ECPAS: variants seen among roughly 807,000 people sequenced by gnomAD.
The protein encoded by ECPAS is proteasome adapter and scaffold protein ECM29.
Under a neutral mutation model 255.1 loss-of-function variants are expected in ECPAS, and 70 were observed. The observed-to-expected ratio is 0.27, with a 90% CI of 0.23 to 0.33. The LOEUF is 0.33. ECPAS is among the 10% of genes least tolerant of loss of function. ECPAS has a pLI of 1.00. For synonymous variants in ECPAS, 784 were observed against 775.0 expected, an observed-to-expected ratio of 1.01 and a Z score of -0.19; for missense variants, 1,817 against 2,206.4, an observed-to-expected ratio of 0.82 and a Z score of 3.54.
chr9:111,465,582 A>C (rs2098278579), intron 2 of ECPAS, among the ~76,000 whole-genome samples: 1 of 146,106 alleles, frequency 6.8e-6, no homozygotes, highest in Non-Finnish European at 1.5e-5. Flanking sequence ...GGTTGAAATA[A>C]TTCGTTATTT....
chr9:111,382,588 G>A (rs760223524), intron 35 of ECPAS, among the ~76,000 whole-genome samples: 10 of 151,704 alleles, frequency 6.6e-5, no homozygotes, highest in Admixed American at 2.0e-4. Flanking sequence ...TCTTAATTGC[G>A]TCATGCCTTT....
At chr9:111,440,549 C>A in intron 5 of ECPAS, 28 bp from the exon 6 acceptor site, 1 of 1,512,098 alleles carries the variant, frequency 6.6e-7, no homozygotes, top group Non-Finnish European at 9.0e-7. Context: ...TTTATTGCAA[C>A]TACTTAAAAA....
intron 4 of ECPAS, among the ~76,000 whole-genome samples, chr9:111,442,740 A>G (rs950258541): frequency 2.0e-5 from 3 of 152,216 alleles, no homozygotes; most frequent in African/African-American, 4.8e-5. Flanking sequence ...TACACACTAC[A>G]TATTAGCACC....
In ECPAS at chr9:111,420,047, C is replaced by T; in HGVS notation, c.1529G>A (p.Arg510Lys). The change falls in exon 16 of 50, where the codon AGA (arginine) becomes AAA (lysine). Residue 510 changes from arginine to lysine, a missense_variant. By Grantham distance (26) the Arg-to-Lys change is conservative (BLOSUM62 2). Transcript: ENST00000684092. ...TVFPSDHIPS[R>K]YLLLLAAGDP... ...TCCTGCAGCCAGTAGCAGCAAATAT[C>T]TGGAAGGGATATGATCTGAGGGAAA... 6.2e-7 allele frequency: 1 copy of T among 1,612,528 alleles called. No homozygotes were observed. The highest frequency in any genetic ancestry group is 8.5e-7 in the Non-Finnish European group (1 of 1,179,056).
At chr9:111,415,147 T>C (rs568202999) in intron 18 of ECPAS, among the ~76,000 whole-genome samples, 5 of 152,134 alleles carry the variant, frequency 3.3e-5, no homozygotes, top group Non-Finnish European at 5.9e-5. Flanking sequence ...CATATTTACC[T>C]ATATAACAAA....
rs1055486622 is a variant in ECPAS at position 111,422,061 on chromosome 9, A to G, written c.1333-18T>C. 1 of 1,613,512 alleles carries G rather than the reference A, an allele frequency of 6.2e-7. No individual in the cohort carries two copies. The highest frequency in any genetic ancestry group is 1.3e-5 in the African/African-American group (1 of 74,902). On this transcript the variant is annotated intron_variant, in intron 14 of 49. Transcript: ENST00000684092. ...GGCTCTTCCTATAAAGATGATAAAA[A>G]TGTTTCCCTCCTTGTTGGGTTCCCA...
At chr9:111,424,541 T>C (rs897198157) in intron 12 of ECPAS, among the ~76,000 whole-genome samples, 1 of 134,496 alleles carries the variant, frequency 7.4e-6, no homozygotes, top group African/African-American at 2.9e-5. Context: ...TTTTAAATAT[T>C]GGAGATATTA....
At position 111,411,078 on chromosome 9, in the gene ECPAS, T is replaced by G. The variant is rs2098193573; in HGVS notation, c.2279A>C (p.Lys760Thr). The G allele has an allele frequency of 1.9e-6, 3 of 1,613,948 alleles. No individual in the cohort carries two copies. The highest frequency in any genetic ancestry group is 2.5e-6 in the Non-Finnish European group (3 of 1,179,858). The change falls in exon 22 of 50, where the codon AAA becomes ACA. Residue 760 changes from lysine (K) to threonine (T), a missense_variant. Transcript: ENST00000684092. ...LGFTVGRYLA[K>T]KKMRMSEQQD... ...TTGCTCTGACATTCTCATTTTCTTT[T>G]TAGCCAAATACCTTCCCACCGTGAA...
intron 1 of ECPAS, 120 bp downstream of exon 1, chr9:111,483,996 C>T (rs1489724005): frequency 4.0e-6 from 4 of 1,003,126 alleles, no homozygotes; most frequent in Non-Finnish European, 4.7e-6. Context: ...TGTCGCCGCC[C>T]GCCCCGCGTG....
chr9:111,386,927 C>T (rs1247476976), intron 31 of ECPAS, among the ~76,000 whole-genome samples: 2 of 152,252 alleles, frequency 1.3e-5, no homozygotes, highest in Non-Finnish European at 1.5e-5. Flanking sequence ...GTTCCCATAG[C>T]ACCTTCTGAA....
chr9:111,388,508 C>T (rs146034159), intron 31 of ECPAS, among the ~76,000 whole-genome samples: 57 of 151,160 alleles, frequency 3.8e-4, no homozygotes, highest in East Asian at 1.7e-3. Flanking sequence ...GGCCACATTA[C>T]GGGCAGGGAC....
intron 7 of ECPAS, among the ~76,000 whole-genome samples, chr9:111,435,163 GGCTGGGATTACAGGCCCGA>G: frequency 6.6e-6 from 1 of 151,094 alleles, no homozygotes. Context: ...CCTCCCAAAG[GGCTGGGATTACAGGCCCGA>G]GCCACGACAC....
intron 2 of ECPAS, among the ~76,000 whole-genome samples, chr9:111,468,658 CGT>C (rs1367356670): frequency 1.5e-5 from 2 of 136,360 alleles, no homozygotes; most frequent in Admixed American, 7.9e-5. Context: ...AGAGAGCGAG[CGT>C]GTGTGTGTGT....
At chr9:111,458,661 T>C (rs1369923523) in intron 2 of ECPAS, among the ~76,000 whole-genome samples, 2 of 151,706 alleles carry the variant, frequency 1.3e-5, no homozygotes, top group African/African-American at 2.4e-5. Flanking sequence ...GGGGGGGTGT[T>C]AGAAATTGAG....
At chr9:111,424,546 A>G (rs2098218665) in intron 12 of ECPAS, among the ~76,000 whole-genome samples, 1 of 112,746 alleles carries the variant, frequency 8.9e-6, no homozygotes, top group South Asian at 3.5e-4. Flanking sequence ...AATATTGGAG[A>G]TATTATAGTA....
chr9:111,388,181 G>C (rs1433462407), intron 31 of ECPAS, among the ~76,000 whole-genome samples: 1 of 151,694 alleles, frequency 6.6e-6, no homozygotes, highest in Non-Finnish European at 1.5e-5. Flanking sequence ...AGAAAACCAA[G>C]ACAAAGAGGT....
chr9:111,420,399 C>T (rs887426439), intron 15 of ECPAS, among the ~76,000 whole-genome samples: 1 of 152,084 alleles, frequency 6.6e-6, no homozygotes, highest in Non-Finnish European at 1.5e-5. Context: ...CTCCAAGGAC[C>T]ATAACTAGAG....
At chr9:111,378,295 G>A (rs1167146010) in intron 36 of ECPAS, among the ~76,000 whole-genome samples, 2 of 152,170 alleles carry the variant, frequency 1.3e-5, no homozygotes, top group African/African-American at 4.8e-5. Context: ...CCCATGGAAG[G>A]ACTCTGAAGG....
At chr9:111,440,289 G>C (rs2098244014) in intron 6 of ECPAS, 83 bp downstream of exon 6, 3 of 1,244,938 alleles carry the variant, frequency 2.4e-6, no homozygotes, top group Non-Finnish European at 3.3e-6. Flanking sequence ...ATTTACTAGT[G>C]AGAGTTTAAT....
Sources: allele counts gnomAD v4.1 joint callset (sites outside exome capture counted in the v4.1 genomes callset), GRCh38; gene constraint gnomAD v4.1.1; transcripts MANE v1.5; gene names NCBI Gene and HGNC (gene_info 2026-07-23, HGNC 2026-07-21).